The following PRSS27 variants were observed in gnomAD, a reference collection of about 807,000 sequenced individuals.
PRSS27 encodes serine protease 27, also known as channel-activating protease 2.
Under a neutral mutation model 32.0 loss-of-function variants are expected in PRSS27, and 25 were observed. The ratio of observed to expected loss-of-function variants is 0.78; its 90% CI spans 0.57 to 1.09. The LOEUF (loss-of-function observed/expected upper bound fraction) is 1.09, where lower values mean the gene tolerates loss of function less well. Ranked by LOEUF, PRSS27 falls within the 50% of genes least tolerant of loss-of-function variation. PRSS27 has a pLI of 0.00. For missense variants in PRSS27, 401 were observed against 394.9 expected (o/e 1.02, Z -0.13); for synonymous variants, 178 against 172.2 (o/e 1.03, Z -0.26).
Position 2,715,722 on chromosome 16 carries a change from G to A in PRSS27, c.232C>T (p.Arg78Cys), listed in dbSNP as rs752531256. The A allele has an allele frequency of 3.9e-6, 6 of 1,539,472 alleles. No individual in the cohort carries two copies. Among genetic ancestry groups the A allele is most frequent in the Non-Finnish European group, 4.4e-6 (5 of 1,147,090 alleles). The change falls in exon 3 of 6, where the codon CGC (arginine) becomes TGC (cysteine). Residue 78 changes from arginine (R) to cysteine (C), a missense_variant. Coordinates refer to ENST00000302641, the MANE Select transcript of PRSS27 (RefSeq NM_031948.5). ...QWVLTAAHCF[R>C]NTSETSLYQV... ...GGCAGGGGCGGGCGGACTCACTTGC[G>A]GAAGCAGTGCGCAGCCGTCAGGACC... is the stretch of plus-strand genomic sequence containing the variant.
intron 1 of PRSS27, 68 bp downstream of exon 1, chr16:2,720,047 G>A (rs1241210570): frequency 2.9e-6 from 4 of 1,396,048 alleles, no homozygotes; most frequent in Non-Finnish European, 4.0e-6. Flanking sequence ...CTGAGCCGGA[G>A]CCCCAGGCAG....
chr16:2,714,386 C>T lies in PRSS27; in HGVS notation c.237-50G>A, dbSNP rs1465326292. On this transcript the variant is annotated intron_variant, in intron 3 of 5. Coordinates refer to ENST00000302641, the MANE Select transcript of PRSS27 (RefSeq NM_031948.5). This position sits in a 1 kb window ranked among gnomAD's most constrained non-coding sequence, Gnocchi z 4.7. ...CGTGAGGCGGCCCCTCGTGTGGGGA[C>T]AGGCCCGGGAGGGGCTGGGGCTCCT... The T allele has an allele frequency of 1.9e-6, 3 of 1,596,942 alleles. No individual in the cohort carries two copies. The highest frequency in any genetic ancestry group is 1.1e-5 in the South Asian group (1 of 89,936).
chr16:2,715,303 G>A, intron 3 of PRSS27: 1 of 169,604 alleles, frequency 5.9e-6, no homozygotes, highest in South Asian at 1.3e-4. Context: ...GTGGGTGAGG[G>A]GAGGAAGGGC....
intron 1 of PRSS27, chr16:2,716,916 G>A (rs2067705646): frequency 3.8e-6 from 1 of 260,752 alleles, no homozygotes; most frequent in Non-Finnish European, 7.6e-6. Context: ...CCCTGGCACT[G>A]TAAGGTTGGC....
chr16:2,720,161 G>A lies in PRSS27; in HGVS notation c.-1C>T. 6.3e-7 allele frequency: 1 copy of A among 1,598,674 alleles called. No homozygotes were observed. The highest frequency in any genetic ancestry group is 8.5e-7 in the Non-Finnish European group (1 of 1,172,994). Reference sequence around the variant, plus strand: ...GCGGCACCGCCGCCGGCCGCCTCATGTCCTCAGGCCTGGCTGGGGCGCAGG... The same window carrying A: ...GCGGCACCGCCGCCGGCCGCCTCATATCCTCAGGCCTGGCTGGGGCGCAGG... On this transcript the variant is annotated 5_prime_UTR_variant, in exon 1 of 6. Coordinates refer to ENST00000302641, the MANE Select transcript of PRSS27 (RefSeq NM_031948.5).
At chr16:2,715,679 G>C (rs1297231207) in intron 3 of PRSS27, 39 bp downstream of exon 3, 28 of 1,522,632 alleles carry the variant, frequency 1.8e-5, no homozygotes, top group Non-Finnish European at 2.4e-5. Context: ...GCGGGGCGCT[G>C]TCAGCGCTAT....
At chr16:2,713,209 C>T (rs2067675376) in intron 5 of PRSS27, 2 of 455,060 alleles carry the variant, frequency 4.4e-6, no homozygotes, top group South Asian at 4.2e-5. Context: ...CGCCATTCTC[C>T]TGCCTCAGCC....
chr16:2,716,588 C>G, intron 1 of PRSS27, 62 bp from the exon 2 acceptor site: 3 of 1,504,564 alleles, frequency 2.0e-6, no homozygotes, highest in Non-Finnish European at 2.7e-6. Flanking sequence ...CTCCCCAACC[C>G]TGCAGCCCCT....
In PRSS27 at chr16:2,715,899, C is replaced by G; in HGVS notation, c.74-19G>C. On this transcript the variant is annotated intron_variant, in intron 2 of 5. Transcript: ENST00000302641. ...CCACAGGCTGGGGGAGCATGGGGAG[C>G]GGGTGGGGGCGCTCACTGGGGCTGG... 1 of 1,536,182 alleles carries G rather than the reference C, an allele frequency of 6.5e-7. No individual in the cohort carries two copies.
rs1309148434 is a variant in PRSS27, at chr16:2,712,661, T to C, written c.832A>G (p.Lys278Glu). The C allele has an allele frequency of 4.4e-6, 7 of 1,599,138 alleles. No individual in the cohort carries two copies. Among genetic ancestry groups the C allele is most frequent in the Non-Finnish European group, 6.0e-6 (7 of 1,172,770 alleles). Residue 278 changes from lysine to glutamate, a missense_variant, in exon 6 of 6, where the codon AAA becomes GAA. Lys to Glu is a moderately conservative substitution (Grantham distance 56, BLOSUM62 1). Transcript: ENST00000302641. The surrounding 1 kb of genome is among the most constrained non-coding windows in gnomAD (Gnocchi z 4.6). ...HHNWIHRIIP[K>E]LQFQPARLGG... is the part of the protein sequence containing the mutation. Reference sequence around the variant, plus strand: ...AACCTCGCTGGCTGGAACTGCAGTTTGGGGATGATCCGATGGATCCAGTTG... The same window carrying C: ...AACCTCGCTGGCTGGAACTGCAGTTCGGGGATGATCCGATGGATCCAGTTG...
chr16:2,715,950 G>A, intron 2 of PRSS27, 70 bp from the exon 3 acceptor site: 1 of 1,344,938 alleles, frequency 7.4e-7, no homozygotes, highest in Non-Finnish European at 1.0e-6. Context: ...CCAGCTCTCA[G>A]CCTCACACTC....
At chr16:2,719,831 G>A (rs1484821119) in intron 1 of PRSS27, among the ~76,000 whole-genome samples, 1 of 152,158 alleles carries the variant, frequency 6.6e-6, no homozygotes, top group Non-Finnish European at 1.5e-5. Flanking sequence ...GGCCAGAGCT[G>A]GCACACCAGT....
At position 2,714,272 on chromosome 16, in the gene PRSS27, G is replaced by A; in HGVS notation, c.301C>T (p.His101Tyr). The A allele has an allele frequency of 6.2e-7, 1 of 1,613,518 alleles. No homozygotes were observed. Among genetic ancestry groups the A allele is most frequent in the Non-Finnish European group, 8.5e-7 (1 of 1,179,884 alleles). ...TGCCTCACCCGGGCATACATAGCGT[G>A]TGGTCCCGGCTGCACTAGCTGCCTT... ...GARQLVQPGP[H>Y]AMYARVRQVE... The change falls in exon 4 of 6, where the codon CAC becomes TAC. Residue 101 changes from histidine to tyrosine, a missense_variant. His to Tyr is a moderately conservative substitution (Grantham distance 83). Coordinates refer to ENST00000302641, the MANE Select transcript of PRSS27 (RefSeq NM_031948.5). The surrounding 1 kb of genome is among the most constrained non-coding windows in gnomAD (Gnocchi z 4.7).
rs753977954 is a variant in PRSS27 at position 2,713,652 on chromosome 16, G to C, written c.555C>G (p.Ile185Met). 6 of 1,614,124 alleles carry C rather than the reference G, an allele frequency of 3.7e-6. No individual in the cohort carries two copies. Among genetic ancestry groups the C allele is most frequent in the Non-Finnish European group, 5.1e-6 (6 of 1,180,046 alleles). Residue 185 changes from isoleucine (I) to methionine (M), a missense_variant, in exon 5 of 6, where the codon ATC becomes ATG. Coordinates refer to ENST00000302641, the MANE Select transcript of PRSS27 (RefSeq NM_031948.5). ...PRILQKLAVP[I>M]IDTPKCNLLY... ...GCAGGTTGCACTTGGGTGTGTCGAT[G>C]ATGGGCACAGCGAGTTTCTGCAGGA...
rs975214662 is a variant in PRSS27, at chr16:2,714,784, G to T, written c.237-448C>A. 9.3e-6 allele frequency: 2 copies of T among 214,672 alleles called. No homozygotes were observed. Among genetic ancestry groups the T allele is most frequent in the Admixed American group, 1.1e-4 (2 of 18,070 alleles). The allele number at this position is 214,672 out of a possible 1,614,324, so 13.3% of individuals were successfully genotyped here. A position where few individuals can be genotyped will look rare whatever the true frequency, so the allele number is the denominator to read the frequency against. On this transcript the variant is annotated intron_variant, in intron 3 of 5. Coordinates refer to ENST00000302641, the MANE Select transcript of PRSS27 (RefSeq NM_031948.5). This position sits in a 1 kb window ranked among gnomAD's most constrained non-coding sequence, Gnocchi z 4.7. ...ACAGAGTTCTCATTCTGTCACCCAG[G>T]CTGGAGTGCAGCAGTGCAACTGTAG...
chr16:2,715,678 T>C (rs769332426), intron 3 of PRSS27, 40 bp downstream of exon 3: 13 of 1,516,786 alleles, frequency 8.6e-6, no homozygotes, highest in South Asian at 7.3e-5. Flanking sequence ...CGCGGGGCGC[T>C]GTCAGCGCTA....
rs189806410 is a variant in PRSS27, at chr16:2,714,828, T to A, written c.237-492A>T. 4.0e-3 allele frequency: 655 copies of A among 165,424 alleles called. 1 individual carries two copies. Among genetic ancestry groups the A allele is most frequent in the Non-Finnish European group, 6.6e-3 (509 of 76,670 alleles). The allele number at this position is 165,424 out of a possible 1,614,324, so 10.2% of individuals were successfully genotyped here. Reference sequence around the variant, plus strand: ...ACTGTAGCTCACTGCAGCCTCCAACTCCTGGGCTCAAGCCATCCTCTCGCC... The same window carrying A: ...ACTGTAGCTCACTGCAGCCTCCAACACCTGGGCTCAAGCCATCCTCTCGCC... On this transcript the variant is annotated intron_variant, in intron 3 of 5. Coordinates refer to ENST00000302641, the MANE Select transcript of PRSS27 (RefSeq NM_031948.5). The surrounding 1 kb of genome is among the most constrained non-coding windows in gnomAD (Gnocchi z 4.7).
rs11861927 is a variant in PRSS27 at position 2,713,320 on chromosome 16, C to A, written c.678+209G>T. On this transcript the variant is annotated intron_variant, in intron 5 of 5. Transcript: ENST00000302641. The stretch of plus-strand genomic sequence containing the variant: ...TCACTGTGTTAGCCAGGATGGTCTC[C>A]ATCTCCTGACCTTGTGATCCACCCT... The A allele has an allele frequency of 2.9e-4, 176 of 599,832 alleles. 2 individuals are homozygous for A. The highest frequency in any genetic ancestry group is 1.7e-3 in the South Asian group (97 of 57,034). 37.2% of individuals were successfully genotyped at this position (599,832 alleles called of 1,614,324 possible).
At chr16:2,716,054 C>A in intron 2 of PRSS27, 174 bp from the exon 3 acceptor site, 1 of 570,140 alleles carries the variant, frequency 1.8e-6, no homozygotes, top group East Asian at 3.0e-5. Context: ...GGCAGACCCT[C>A]CCCAGCTGCC....
Sources: gnomAD v4.1 joint callset for allele counts (sites outside exome capture counted in the v4.1 genomes callset) on GRCh38, gnomAD v4.1.1 for gene constraint, Gnocchi (gnomAD v3.1) non-coding constraint, MANE v1.5 for transcripts, NCBI Gene and HGNC (gene_info 2026-07-23, HGNC 2026-07-21) for gene names.